Variants in INTS7 observed in about 807,000 individuals in gnomAD.
INTS7 encodes integrator complex subunit 7.
INTS7 carries 46 observed loss-of-function variants against 109.2 expected under a neutral mutation model. That is an observed-to-expected ratio of 0.42 (90% CI 0.33 to 0.54). INTS7 has a LOEUF of 0.54. Among genes scored for constraint, INTS7 ranks in the 20% least tolerant of loss-of-function variants. The pLI, the probability that INTS7 is intolerant of heterozygous loss-of-function variation, is 0.07. For missense variants in INTS7, 929 were observed against 1,132.4 expected, an observed-to-expected ratio of 0.82 and a Z score of 2.58; for synonymous variants, 412 against 402.9, an observed-to-expected ratio of 1.02 and a Z score of -0.27.
At position 211,941,536 on chromosome 1, in the gene INTS7, T is replaced by G. The variant is rs913223095; in HGVS notation, c.*288A>C. 2.0e-5 allele frequency: 6 copies of G among 300,678 alleles called. No homozygotes were observed. The highest frequency in any genetic ancestry group is 3.7e-5 in the Non-Finnish European group (6 of 162,960). The allele number at this position is 300,678 out of a possible 1,614,324, so 18.6% of individuals were successfully genotyped here. ...CCATGCTTGGCTAATTTTTTTGTAT[T>G]TTTTAGTGGAGACGGGGTTTCACTG... On this transcript the variant is annotated 3_prime_UTR_variant, in exon 20 of 20. Coordinates refer to ENST00000366994, the MANE Select transcript of INTS7 (RefSeq NM_015434.4).
intron 5 of INTS7, among the ~76,000 whole-genome samples, chr1:212,009,070 AT>A (rs1167944448): frequency 6.6e-6 from 1 of 152,104 alleles, no homozygotes; most frequent in Non-Finnish European, 1.5e-5. Flanking sequence ...TTTACTAAAG[AT>A]TTAGGGAGGC....
At chr1:211,990,628 A>T (rs1665103551) in intron 7 of INTS7, among the ~76,000 whole-genome samples, 1 of 152,240 alleles carries the variant, frequency 6.6e-6, no homozygotes, top group Non-Finnish European at 1.5e-5. Context: ...TTATCATGAA[A>T]GGAATGGAAA....
intron 17 of INTS7, among the ~76,000 whole-genome samples, chr1:211,948,027 A>T (rs1365093000): frequency 6.6e-6 from 1 of 152,200 alleles, no homozygotes; most frequent in Non-Finnish European, 1.5e-5. Context: ...ACTATCTCTA[A>T]TATTTTTCCC....
At chr1:211,983,228 A>G (rs1664739870) in intron 8 of INTS7, among the ~76,000 whole-genome samples, 1 of 152,076 alleles carries the variant, frequency 6.6e-6, no homozygotes, top group Non-Finnish European at 1.5e-5. Flanking sequence ...TCCATCTCAG[A>G]TTGCTGACAC....
chr1:212,027,552 G>A (rs777469139), intron 1 of INTS7, among the ~76,000 whole-genome samples: 3 of 152,150 alleles, frequency 2.0e-5, no homozygotes, highest in Non-Finnish European at 4.4e-5. Flanking sequence ...GTTGCAACAT[G>A]CATGTAGACC....
chr1:211,980,712 T>C (rs563072424), intron 10 of INTS7, among the ~76,000 whole-genome samples: 3 of 151,994 alleles, frequency 2.0e-5, no homozygotes, highest in Non-Finnish European at 2.9e-5. Context: ...ATGCTGGGAT[T>C]ATAGGCATGA....
At chr1:212,018,949 A>G (rs1020999932) in intron 3 of INTS7, among the ~76,000 whole-genome samples, 6 of 152,222 alleles carry the variant, frequency 3.9e-5, no homozygotes, top group African/African-American at 1.4e-4. Flanking sequence ...GGGTAAAAAT[A>G]CCTTAAATTT....
intron 17 of INTS7, among the ~76,000 whole-genome samples, chr1:211,948,766 G>A (rs1047282098): frequency 3.3e-5 from 5 of 152,216 alleles, no homozygotes; most frequent in Non-Finnish European, 7.3e-5. Context: ...GGAGTGCAAT[G>A]GCACAATCTC....
intron 11 of INTS7, among the ~76,000 whole-genome samples, chr1:211,977,827 T>C (rs1267685037): frequency 6.6e-6 from 1 of 152,196 alleles, no homozygotes; most frequent in Non-Finnish European, 1.5e-5. Context: ...GGTCCTGGAA[T>C]GGAAAACATA....
intron 16 of INTS7, among the ~76,000 whole-genome samples, chr1:211,964,263 C>G (rs79679951): frequency 6.6e-6 from 1 of 151,916 alleles, no homozygotes; most frequent in African/African-American, 2.4e-5. Context: ...AATAAAATAC[C>G]TAGGAATACA....
At chr1:211,945,008 A>G in intron 18 of INTS7, 39 bp from the exon 19 acceptor site, 3 of 1,595,892 alleles carry the variant, frequency 1.9e-6, no homozygotes, top group Non-Finnish European at 2.6e-6. Context: ...AACAACCAAG[A>G]GCAAGCTTCC....
Position 212,020,176 on chromosome 1 carries a change from C to A in INTS7, c.317G>T (p.Arg106Ile). Residue 106 changes from arginine to isoleucine, a missense_variant, in exon 3 of 20, where the codon AGA (arginine) becomes ATA (isoleucine). By Grantham distance (97) the Arg-to-Ile change is moderately conservative. This residue lies in a region of INTS7 where 142 missense variants were observed against 231.4 expected (regional missense o/e 0.61). Coordinates refer to ENST00000366994, the MANE Select transcript of INTS7 (RefSeq NM_015434.4). ...KILNVDEFVK[R>I]IFSVIHSNDP... is the part of the protein sequence containing the mutation. ...ATTACTATGAATCACAGAAAAAATTCTCTTCACAAATTCATCCACATTTAG... is the reference window on the plus strand; with the variant it reads ...ATTACTATGAATCACAGAAAAAATTATCTTCACAAATTCATCCACATTTAG... 6.2e-7 allele frequency: 1 copy of A among 1,610,096 alleles called. No homozygotes were observed. Among genetic ancestry groups the A allele is most frequent in the Non-Finnish European group, 8.5e-7 (1 of 1,177,594 alleles).
In INTS7 at chr1:211,978,506, A is replaced by G. The variant is rs1426063304; in HGVS notation, c.1236T>C (p.Ala412=). 3.1e-6 allele frequency: 5 copies of G among 1,614,048 alleles called. No homozygotes were observed. The highest frequency in any genetic ancestry group is 4.2e-6 in the Non-Finnish European group (5 of 1,180,010). The part of the protein sequence containing the change: ...SPGAQATLKI[A]LNCMVKLAKG... ...TGGCCAACTTCACCATACAGTTTAG[A>G]GCAATCTGCACGCCAAAAAGAAAAT... The change falls in exon 11 of 20, where the codon GCT becomes GCC. Residue 412 remains alanine (A), a synonymous_variant. Coordinates refer to ENST00000366994, the MANE Select transcript of INTS7 (RefSeq NM_015434.4).
chr1:211,961,587 G>A (rs1663636664), intron 16 of INTS7, among the ~76,000 whole-genome samples: 2 of 151,912 alleles, frequency 1.3e-5, no homozygotes, highest in South Asian at 4.2e-4. Flanking sequence ...GTGCCACCAT[G>A]CCCGGCTAAT....
At chr1:211,999,082 T>C (rs1481578185) in intron 7 of INTS7, among the ~76,000 whole-genome samples, 1 of 152,206 alleles carries the variant, frequency 6.6e-6, no homozygotes, top group African/African-American at 2.4e-5. Flanking sequence ...GGCAGTTTCT[T>C]ACAAAGTTAA....
At chr1:212,032,943 G>A (rs1301448391) in intron 1 of INTS7, among the ~76,000 whole-genome samples, 1 of 152,158 alleles carries the variant, frequency 6.6e-6, no homozygotes, top group Non-Finnish European at 1.5e-5. Context: ...TCCAGCCCCA[G>A]ATCAGTTTTC....
At chr1:212,001,705 T>A (rs1462854497) in intron 7 of INTS7, among the ~76,000 whole-genome samples, 1 of 152,212 alleles carries the variant, frequency 6.6e-6, no homozygotes, top group Non-Finnish European at 1.5e-5. Flanking sequence ...GACTTCATAT[T>A]GCCAAACGCA....
intron 15 of INTS7, among the ~76,000 whole-genome samples, 164 bp from the exon 16 acceptor site, chr1:211,966,662 T>C (rs1267730354): frequency 1.3e-5 from 2 of 152,202 alleles, no homozygotes; most frequent in East Asian, 3.8e-4. Context: ...TTTTAAGGGA[T>C]ATACATTGTC....
intron 1 of INTS7, among the ~76,000 whole-genome samples, chr1:212,023,120 A>G (rs550896288): frequency 2.6e-5 from 4 of 152,334 alleles, no homozygotes; most frequent in South Asian, 2.1e-4. Flanking sequence ...TCCATGGTAT[A>G]TATGTACCAT....
Sources: gnomAD v4.1 joint callset for allele counts (sites outside exome capture counted in the v4.1 genomes callset) on GRCh38, gnomAD v4.1.1 for gene constraint, gnomAD v4.1.1 regional missense constraint, MANE v1.5 for transcripts, NCBI Gene and HGNC (gene_info 2026-07-23, HGNC 2026-07-21) for gene names.